CDIN1: variants seen among roughly 807,000 people sequenced by gnomAD.
CDIN1 encodes the protein CDAN1-interacting nuclease 1.
A neutral mutation model predicts 45.3 loss-of-function variants in CDIN1; 33 were observed. That is an observed-to-expected ratio of 0.73 (90% CI 0.55 to 0.97). The LOEUF is 0.97. CDIN1 is among the 50% of genes least tolerant of loss of function. The probability of loss-of-function intolerance (pLI) is 0.00; values close to 1 mark genes in which losing one functional copy is unlikely to be tolerated. For synonymous variants in CDIN1, 118 were observed against 124.4 expected (o/e 0.95, Z 0.34); for missense variants, 303 against 339.4 (o/e 0.89, Z 0.84).
intron 10 of CDIN1, among the ~76,000 whole-genome samples, chr15:36,792,233 TAG>T (rs1208798399): frequency 1.3e-5 from 2 of 152,164 alleles, no homozygotes; most frequent in African/African-American, 2.4e-5. Context: ...CTTAGAGCCA[TAG>T]AGTTTGTAAA....
chr15:36,648,427 A>ATTTTTTTTTTTTTTT (rs4008147), intron 3 of CDIN1, among the ~76,000 whole-genome samples: 1 of 91,068 alleles, frequency 1.1e-5, no homozygotes. Context: ...CCAATATTCT[A>ATTTTTTTTTTTTTTT]TTTTTTTTTT....
In CDIN1 at chr15:36,777,555, T is replaced by A. The variant is rs1344510425; in HGVS notation, c.717-30769T>A. 2.0e-5 allele frequency among the ~76,000 whole-genome samples: 3 copies of A among 152,284 alleles called. No individual in the cohort carries two copies. The East Asian group carries it at 5.8e-4, about 29-fold the overall frequency. On this transcript the variant is annotated intron_variant, in intron 10 of 10. Transcript: ENST00000566621. ...ATCTAATCAACATTCAGAAGACATT[T>A]ATTGAGCCCCTACTGTACACCAGAC...
intron 1 of CDIN1, among the ~76,000 whole-genome samples, chr15:36,643,143 A>T (rs1388366131): frequency 6.6e-6 from 1 of 152,166 alleles, no homozygotes; most frequent in Non-Finnish European, 1.5e-5. Flanking sequence ...TTTTTGAGTT[A>T]TTGAAATATT....
chr15:36,803,276 A>G (rs2055110207), intron 10 of CDIN1, among the ~76,000 whole-genome samples: 1 of 150,962 alleles, frequency 6.6e-6, no homozygotes. Flanking sequence ...GTATTGCTGT[A>G]TAGTGCAAGT....
rs115602293 is a variant in CDIN1 at position 36,660,574 on chromosome 15, C to A, written c.346+2669C>A. 3.9e-5 allele frequency among the ~76,000 whole-genome samples: 6 copies of A among 152,050 alleles called. No homozygotes were observed. The East Asian group carries it at 9.6e-4, about 24-fold the overall frequency. ...TTAAGGAGTACTGTTGGGTTTCTCA[C>A]GCGATAATTTTTAGGGTATGATATA... On this transcript the variant is annotated intron_variant, in intron 5 of 10. Transcript: ENST00000566621.
At chr15:36,659,130 A>G (rs931013320) in intron 5 of CDIN1, among the ~76,000 whole-genome samples, 4 of 152,214 alleles carry the variant, frequency 2.6e-5, no homozygotes, top group Non-Finnish European at 5.9e-5. Flanking sequence ...TCAAAATAGT[A>G]GTCAGCATAG....
intron 10 of CDIN1, among the ~76,000 whole-genome samples, chr15:36,730,729 C>T (rs1394257059): frequency 6.6e-6 from 1 of 152,042 alleles, no homozygotes; most frequent in Non-Finnish European, 1.5e-5. Context: ...CTTTGATTTT[C>T]AGTTTTGATT....
chr15:36,754,264 G>A (rs2053549415), intron 10 of CDIN1, among the ~76,000 whole-genome samples: 1 of 152,088 alleles, frequency 6.6e-6, no homozygotes, highest in African/African-American at 2.4e-5. Flanking sequence ...TTGATTTGAA[G>A]ATGGAAAGTA....
intron 1 of CDIN1, among the ~76,000 whole-genome samples, chr15:36,629,107 T>C (rs2039573175): frequency 6.6e-6 from 1 of 152,134 alleles, no homozygotes; most frequent in Non-Finnish European, 1.5e-5. Flanking sequence ...TGCTAAGACA[T>C]TGATTTTGGC....
intron 5 of CDIN1, among the ~76,000 whole-genome samples, chr15:36,666,641 A>G (rs889131287): frequency 6.6e-6 from 1 of 152,172 alleles, no homozygotes; most frequent in Non-Finnish European, 1.5e-5. Flanking sequence ...TTCTTCCTAC[A>G]AAGTACTTAT....
intron 3 of CDIN1, among the ~76,000 whole-genome samples, chr15:36,651,715 AG>A: frequency 6.6e-6 from 1 of 152,298 alleles, no homozygotes; most frequent in East Asian, 1.9e-4. Context: ...ATTGTTTACC[AG>A]CTAAGAGAGC....
chr15:36,735,771 T>C (rs1444339289), intron 10 of CDIN1, among the ~76,000 whole-genome samples: 1 of 152,204 alleles, frequency 6.6e-6, no homozygotes, highest in Non-Finnish European at 1.5e-5. Flanking sequence ...CTTTAATAAT[T>C]GTGTTGTTTA....
At chr15:36,672,795 TA>T (rs145207767) in intron 5 of CDIN1, among the ~76,000 whole-genome samples, 171 of 146,484 alleles carry the variant, frequency 1.2e-3, no homozygotes, top group African/African-American at 3.3e-3. Flanking sequence ...GTTACTTCTT[TA>T]AAAAAAAAAA....
intron 10 of CDIN1, among the ~76,000 whole-genome samples, chr15:36,744,902 T>C (rs1379277666): frequency 6.6e-6 from 1 of 152,226 alleles, no homozygotes; most frequent in Non-Finnish European, 1.5e-5. Context: ...AATACTGCCA[T>C]GTCTAGCTTT....
chr15:36,744,694 T>G (rs1264770148), intron 10 of CDIN1, among the ~76,000 whole-genome samples: 1 of 152,332 alleles, frequency 6.6e-6, no homozygotes, highest in Non-Finnish European at 1.5e-5. Context: ...AATGTTTGAG[T>G]TGAATCTCAT....
intron 10 of CDIN1, among the ~76,000 whole-genome samples, chr15:36,716,855 C>T (rs897997034): frequency 6.6e-6 from 1 of 152,178 alleles, no homozygotes; most frequent in African/African-American, 2.4e-5. Context: ...CTGTGTTAGG[C>T]AGTAGGGACT....
At chr15:36,707,522 A>G (rs1359957284) in intron 8 of CDIN1, 3 of 138,802 alleles carry the variant, frequency 2.2e-5, no homozygotes, top group African/African-American at 8.4e-5. Context: ...AGTGAACAGG[A>G]GTGCAGCATC....
intron 5 of CDIN1, among the ~76,000 whole-genome samples, chr15:36,674,691 A>G (rs1236121494): frequency 6.6e-6 from 1 of 152,118 alleles, no homozygotes. Flanking sequence ...CTTTCAGATT[A>G]TTAGGCACAG....
intron 5 of CDIN1, among the ~76,000 whole-genome samples, chr15:36,670,939 A>G (rs1006537194): frequency 2.0e-5 from 3 of 152,132 alleles, no homozygotes; most frequent in African/African-American, 7.2e-5. Flanking sequence ...AAAAGAGTAT[A>G]TTGTGTTTAA....
Sources: allele counts gnomAD v4.1 joint callset (sites outside exome capture counted in the v4.1 genomes callset), GRCh38; gene constraint gnomAD v4.1.1; transcripts MANE v1.5; gene names NCBI Gene and HGNC (gene_info 2026-07-23, HGNC 2026-07-21).